IL1RAPL1: variants seen among roughly 807,000 people sequenced by gnomAD.
The protein encoded by IL1RAPL1 is interleukin 1 receptor accessory protein like 1, also known as interleukin-1 receptor accessory protein-like 1.
IL1RAPL1 carries 3 observed loss-of-function variants against 48.4 expected under a neutral mutation model. That is an observed-to-expected ratio of 0.06 (90% CI 0.03 to 0.16). IL1RAPL1 has a LOEUF of 0.16. Among genes scored for constraint, IL1RAPL1 ranks in the 10% least tolerant of loss-of-function variants. The pLI is 1.00. For synonymous variants in IL1RAPL1, 185 were observed against 187.7 expected, an observed-to-expected ratio of 0.99 and a Z score of 0.12; for missense variants, 349 against 530.6, an observed-to-expected ratio of 0.66 and a Z score of 3.36.
At chrX:29,658,402 G>A (rs921642106) in intron 5 of IL1RAPL1, among the ~76,000 whole-genome samples, 7 of 112,129 alleles carry the variant, frequency 6.2e-5, no homozygotes, top group African/African-American at 1.3e-4. Context: ...ATTCTATGAC[G>A]AAAATAATGA....
intron 8 of IL1RAPL1, among the ~76,000 whole-genome samples, chrX:29,933,870 T>G (rs1404673777): frequency 9.0e-6 from 1 of 110,679 alleles, no homozygotes; most frequent in African/African-American, 3.3e-5. Context: ...TGTATCCAAT[T>G]GAGAAGGTGC....
intron 3 of IL1RAPL1, among the ~76,000 whole-genome samples, chrX:29,284,936 C>G (rs1932258527): frequency 9.0e-6 from 1 of 111,415 alleles, no homozygotes; most frequent in Non-Finnish European, 1.9e-5. Context: ...TCCCATTTGA[C>G]CAATAGTAAT....
intron 2 of IL1RAPL1, among the ~76,000 whole-genome samples, chrX:28,850,294 C>T (rs953408113): frequency 9.0e-6 from 1 of 111,103 alleles, no homozygotes. Flanking sequence ...CATCTCCTAC[C>T]GCAAGAAACA....
chrX:29,038,137 A>G (rs1014415182), intron 2 of IL1RAPL1, among the ~76,000 whole-genome samples: 7 of 111,858 alleles, frequency 6.3e-5, no homozygotes, highest in African/African-American at 2.3e-4. Flanking sequence ...TTGAGACTTC[A>G]TGGCGCATCA....
intron 1 of IL1RAPL1, among the ~76,000 whole-genome samples, chrX:28,657,378 C>G (rs970253380): frequency 4.5e-5 from 5 of 111,618 alleles, no homozygotes; most frequent in African/African-American, 1.6e-4. Flanking sequence ...ATTTAGTAAC[C>G]CTTTCCTACA....
rs1167998286 is a variant in IL1RAPL1, at chrX:29,310,140, AAAAAAAAAC to A, written c.362+26931_362+26939del. Among the ~76,000 whole-genome samples the A allele has an allele frequency of 4.0e-4, 40 of 98,883 alleles. 3 individuals carry two copies. The highest frequency in any genetic ancestry group is 1.5e-3 in the African/African-American group (38 of 25,546). The allele number at this position is 98,883 out of a possible 115,157, so 85.9% of individuals were successfully genotyped here. On this transcript the variant is annotated intron_variant, in intron 3 of 10. Coordinates refer to ENST00000378993, the MANE Select transcript of IL1RAPL1 (RefSeq NM_014271.4). ...AAAAAAAAAAAAAAAGAAAGGAAAA[AAAAAAAAAC>A]AAAAAAAGGGTAAGTCGGGAGCTTA... is the stretch of plus-strand genomic sequence containing the variant.
chrX:28,622,371 A>T (rs1209761239), intron 1 of IL1RAPL1, among the ~76,000 whole-genome samples: 1 of 111,834 alleles, frequency 8.9e-6, no homozygotes. Context: ...AAATGAAATG[A>T]CCTTCTCTGG....
intron 2 of IL1RAPL1, among the ~76,000 whole-genome samples, chrX:28,811,433 C>T (rs962160539): frequency 9.1e-6 from 1 of 110,110 alleles, no homozygotes; most frequent in South Asian, 3.8e-4. Context: ...AAATCCTATT[C>T]GTTTTGCATA....
intron 3 of IL1RAPL1, among the ~76,000 whole-genome samples, chrX:29,310,671 C>G (rs1932712023): frequency 9.0e-6 from 1 of 111,653 alleles, no homozygotes; most frequent in African/African-American, 3.3e-5. Flanking sequence ...AACAAAATAA[C>G]AGGAAAACTC....
chrX:29,161,871 G>T (rs1257314015), intron 2 of IL1RAPL1, among the ~76,000 whole-genome samples: 1 of 111,969 alleles, frequency 8.9e-6, no homozygotes. Flanking sequence ...ATACCCAAAG[G>T]ATTATAAATC....
intron 2 of IL1RAPL1, among the ~76,000 whole-genome samples, chrX:28,954,326 C>T (rs1924546681): frequency 9.0e-6 from 1 of 110,917 alleles, no homozygotes; most frequent in Non-Finnish European, 1.9e-5. Context: ...TGAATTCCAG[C>T]TCTGCTCCAT....
chrX:29,630,207 G>A (rs974402590), intron 5 of IL1RAPL1, among the ~76,000 whole-genome samples: 11 of 110,120 alleles, frequency 1.0e-4, no homozygotes, highest in South Asian at 4.1e-4. Context: ...TTTTGTAAGG[G>A]TACTAACTGC....
chrX:29,673,953 T>C (rs1028722453), intron 6 of IL1RAPL1, among the ~76,000 whole-genome samples: 14 of 112,194 alleles, frequency 1.2e-4, no homozygotes, highest in African/African-American at 4.5e-4. Context: ...AATCAATAAA[T>C]GGAAACTAGT....
intron 1 of IL1RAPL1, among the ~76,000 whole-genome samples, chrX:28,716,128 T>C (rs1935501647): frequency 1.8e-5 from 2 of 111,889 alleles, no homozygotes; most frequent in Non-Finnish European, 3.8e-5. Flanking sequence ...TGTGACAAAA[T>C]TCAACATCCC....
chrX:28,956,439 A>G (rs1378174315), intron 2 of IL1RAPL1, among the ~76,000 whole-genome samples: 1 of 110,983 alleles, frequency 9.0e-6, no homozygotes, highest in East Asian at 2.8e-4. Context: ...ATGTCCCATC[A>G]ATACCTAATT....
intron 2 of IL1RAPL1, among the ~76,000 whole-genome samples, chrX:28,984,136 A>G (rs1029343808): frequency 8.9e-6 from 1 of 112,188 alleles, no homozygotes; most frequent in Non-Finnish European, 1.9e-5. Context: ...GCACTTTCCA[A>G]TATGGAAGCA....
intron 5 of IL1RAPL1, among the ~76,000 whole-genome samples, chrX:29,455,246 G>A (rs1330530269): frequency 9.0e-6 from 1 of 111,343 alleles, no homozygotes; most frequent in African/African-American, 3.3e-5. Flanking sequence ...AAGAAAGTAT[G>A]TGGGAAAAAA....
chrX:29,069,628 A>AACACACACACAC (rs56373899), intron 2 of IL1RAPL1, among the ~76,000 whole-genome samples: 1,556 of 83,686 alleles, frequency 0.019, 30 homozygotes, highest in Non-Finnish European at 0.028. Flanking sequence ...TTTCCTATAG[A>AACACACACACAC]ACACACACAC....
intron 6 of IL1RAPL1, among the ~76,000 whole-genome samples, chrX:29,846,962 T>C (rs1185038151): frequency 9.0e-6 from 1 of 110,715 alleles, no homozygotes; most frequent in Non-Finnish European, 1.9e-5. Flanking sequence ...TTGTGTATCA[T>C]CTCACATGCA....
Sources: allele counts gnomAD v4.1 joint callset (sites outside exome capture counted in the v4.1 genomes callset), GRCh38; gene constraint gnomAD v4.1.1; transcripts MANE v1.5; gene names NCBI Gene and HGNC (gene_info 2026-07-23, HGNC 2026-07-21).